ABCC1: variants seen among roughly 807,000 people sequenced by gnomAD.
ABCC1 encodes ATP binding cassette subfamily C member 1 (ABCC1 blood group), also known as multidrug resistance-associated protein 1.
Under a neutral mutation model 172.9 loss-of-function variants are expected in ABCC1, and 83 were observed. The observed-to-expected ratio is 0.48, with a 90% CI of 0.40 to 0.58. The LOEUF is 0.58. ABCC1 is among the 20% of genes least tolerant of loss of function. The pLI is 0.00. For missense variants in ABCC1, 1,817 were observed against 2,002.7 expected, an observed-to-expected ratio of 0.91 and a Z score of 1.77; for synonymous variants, 937 against 825.2, an observed-to-expected ratio of 1.14 and a Z score of -2.32.
Position 16,142,155 on chromosome 16 carries a change from A to G in ABCC1, c.*874A>G, listed in dbSNP as rs2046147638. 1 of 145,276 alleles carries G rather than the reference A, an allele frequency of 6.9e-6. No individual in the cohort carries two copies. The highest frequency in any genetic ancestry group is 2.6e-5 in the African/African-American group (1 of 38,864). The allele number at this position is 145,276 out of a possible 1,614,324, so 9.0% of individuals were successfully genotyped here. A position where few individuals can be genotyped will look rare whatever the true frequency, so the allele number is the denominator to read the frequency against. On this transcript the variant is annotated 3_prime_UTR_variant, in exon 31 of 31. Coordinates refer to ENST00000399410, the MANE Select transcript of ABCC1 (RefSeq NM_004996.4). ...CAATGCTGTTATTACTGTTCCCACCATGATTGATGTGGGGTAAATATTAAG... is the reference window on the plus strand; with the variant it reads ...CAATGCTGTTATTACTGTTCCCACCGTGATTGATGTGGGGTAAATATTAAG...
chr16:16,017,050 A>C (rs1012067907), intron 5 of ABCC1, among the ~76,000 whole-genome samples: 1 of 151,468 alleles, frequency 6.6e-6, no homozygotes, highest in African/African-American at 2.4e-5. Context: ...TTATACTGGC[A>C]TGCTTTCCTC....
At chr16:15,999,880 G>C (rs141300221) in intron 1 of ABCC1, among the ~76,000 whole-genome samples, 2 of 29,516 alleles carry the variant, frequency 6.8e-5, no homozygotes, top group African/African-American at 2.3e-4. Flanking sequence ...CTTTCAGCCT[G>C]AGTCTCGCTT....
At chr16:15,958,743 G>C (rs2046061492) in intron 1 of ABCC1, among the ~76,000 whole-genome samples, 2 of 152,186 alleles carry the variant, frequency 1.3e-5, no homozygotes, top group South Asian at 4.1e-4. Context: ...GGGTGGAGTG[G>C]TGCTGGGGAC....
chr16:16,048,263 C>T lies in ABCC1; in HGVS notation c.1340C>T (p.Ala447Val), dbSNP rs748322683. Residue 447 changes from alanine (A) to valine (V), a missense_variant, in exon 10 of 31, where the codon GCC (alanine) becomes GTC (valine). Ala to Val is a moderately conservative substitution (Grantham distance 64, BLOSUM62 0). Around this residue, in one of 3 missense-constraint regions of ABCC1, gnomAD observed 1,412 missense variants for 1,600.3 expected, o/e 0.88. Transcript: ENST00000399410. ...LATYINMIWS[A>V]PLQVILALYL... ...ACGTACATTAACATGATCTGGTCAG[C>T]CCCCCTGCAAGTCATCCTTGCTCTC... The T allele has an allele frequency of 1.9e-6, 3 of 1,614,134 alleles. No homozygotes were observed. Among genetic ancestry groups the T allele is most frequent in the Admixed American group, 1.7e-5 (1 of 59,996 alleles).
In ABCC1 at chr16:16,036,456, T is replaced by C. The variant is rs1436981976; in HGVS notation, c.678-16T>C. 6.2e-7 allele frequency: 1 copy of C among 1,609,748 alleles called. No individual in the cohort carries two copies. Among genetic ancestry groups the C allele is most frequent in the South Asian group, 1.1e-5 (1 of 90,502 alleles). ...ATTGACTCTCATTGCCTAACCCCCTTGTGTCTTGGCCCCAGGTTGATTGTC... is the reference window on the plus strand; with the variant it reads ...ATTGACTCTCATTGCCTAACCCCCTCGTGTCTTGGCCCCAGGTTGATTGTC... On this transcript the variant is annotated splice_polypyrimidine_tract_variant and intron_variant, in intron 6 of 30. Transcript: ENST00000399410.
chr16:16,022,314 CCTT>C (rs1289579647), intron 5 of ABCC1, among the ~76,000 whole-genome samples: 2 of 152,130 alleles, frequency 1.3e-5, no homozygotes, highest in African/African-American at 2.4e-5. Context: ...TCCCATCTGT[CCTT>C]CTGGCTCTGG....
chr16:16,048,126 C>G lies in ABCC1; in HGVS notation c.1219-16C>G, dbSNP rs1360916145. The stretch of plus-strand genomic sequence containing the variant: ...GCTGCCACACTCACCCACCTTCCCT[C>G]TCCTTTGTCCCACAGGCCCTGGTGA... On this transcript the variant is annotated splice_polypyrimidine_tract_variant and intron_variant, in intron 9 of 30. Coordinates refer to ENST00000399410, the MANE Select transcript of ABCC1 (RefSeq NM_004996.4). The G allele has an allele frequency of 5.0e-6, 8 of 1,613,880 alleles. No individual in the cohort carries two copies. The highest frequency in any genetic ancestry group is 1.7e-5 in the Admixed American group (1 of 60,016).
intron 7 of ABCC1, among the ~76,000 whole-genome samples, chr16:16,039,266 C>CTTTTT (rs1202497870): frequency 4.6e-5 from 4 of 87,754 alleles, no homozygotes; most frequent in African/African-American, 1.1e-4. Flanking sequence ...TGTGTGTTTT[C>CTTTTT]TTTTTTTTTT....
intron 24 of ABCC1, among the ~76,000 whole-genome samples, chr16:16,123,085 TACAC>T (rs1326541108): frequency 1.3e-5 from 2 of 152,166 alleles, no homozygotes; most frequent in East Asian, 1.9e-4. Context: ...TAGCCCGTCT[TACAC>T]ACTCTAATCC....
intron 1 of ABCC1, among the ~76,000 whole-genome samples, chr16:15,989,064 G>C (rs1251688190): frequency 2.4e-5 from 1 of 42,154 alleles, no homozygotes; most frequent in Non-Finnish European, 4.2e-5. Context: ...GCAAGACTCT[G>C]TCTCAAAAAA....
chr16:16,012,592 C>T (rs1417217906), intron 3 of ABCC1, among the ~76,000 whole-genome samples: 1 of 151,506 alleles, frequency 6.6e-6, no homozygotes, highest in Non-Finnish European at 1.5e-5. Context: ...GCCTTGGCCT[C>T]CTAAAGTGGT....
chr16:16,066,775 GCGCCTATAATC>G, intron 12 of ABCC1, among the ~76,000 whole-genome samples: 1 of 151,688 alleles, frequency 6.6e-6, no homozygotes, highest in Non-Finnish European at 1.5e-5. Flanking sequence ...ATGGTGGTGG[GCGCCTATAATC>G]CCAGCTACTT....
At chr16:16,133,372 TTTTTTGTTTTTGTTTTTG>T (rs10638507) in intron 27 of ABCC1, among the ~76,000 whole-genome samples, 2 of 148,556 alleles carry the variant, frequency 1.3e-5, no homozygotes, top group African/African-American at 2.5e-5. Flanking sequence ...CTTGCTGTCT[TTTTTTGTTTTTGTTTTTG>T]TTTTTGTTTT....
At chr16:16,043,222 G>GTTTTTTTTTTT (rs147161637) in intron 7 of ABCC1, among the ~76,000 whole-genome samples, 2 of 89,502 alleles carry the variant, frequency 2.2e-5, no homozygotes, top group African/African-American at 1.0e-4. Flanking sequence ...TGGCTGGACT[G>GTTTTTTTTTTT]TTTTTTTTTT....
intron 19 of ABCC1, among the ~76,000 whole-genome samples, chr16:16,093,758 C>G (rs1056778065): frequency 6.6e-6 from 1 of 152,094 alleles, no homozygotes; most frequent in African/African-American, 2.4e-5. Context: ...TTTGGCTCTT[C>G]CTAAAGGGGA....
chr16:16,138,579 G>A lies in ABCC1; in HGVS notation c.4487+21G>A, dbSNP rs761761858. On this transcript the variant is annotated intron_variant, in intron 30 of 30. Transcript: ENST00000399410. ...ACAAGGTGATGCCACTGGCACAGTGGCCTCTAGGCTTTGGGAGTTTGCCTT... is the reference window on the plus strand; with the variant it reads ...ACAAGGTGATGCCACTGGCACAGTGACCTCTAGGCTTTGGGAGTTTGCCTT... The A allele has an allele frequency of 3.3e-6, 5 of 1,533,402 alleles. No individual in the cohort carries two copies. In the South Asian group the frequency reaches 6.1e-5, roughly 19 times the overall value. 95.0% of individuals were successfully genotyped at this position (1,533,402 alleles called of 1,614,324 possible).
chr16:16,025,027 A>C (rs537448217), intron 5 of ABCC1, among the ~76,000 whole-genome samples: 11 of 152,086 alleles, frequency 7.2e-5, no homozygotes, highest in Non-Finnish European at 1.6e-4. Flanking sequence ...GAAAACAGAC[A>C]AGTTGATGGG....
chr16:16,091,185 T>C (rs556754266), intron 19 of ABCC1, among the ~76,000 whole-genome samples: 1 of 151,844 alleles, frequency 6.6e-6, no homozygotes, highest in African/African-American at 2.4e-5. Context: ...TCCCAACACA[T>C]AGAGAGGCTG....
At chr16:16,069,800 G>A (rs2050264890) in intron 13 of ABCC1, among the ~76,000 whole-genome samples, 1 of 152,002 alleles carries the variant, frequency 6.6e-6, no homozygotes, top group African/African-American at 2.4e-5. Flanking sequence ...AAGGCAGACA[G>A]ATCAGCTGAG....
Sources: gnomAD v4.1 joint callset for allele counts (sites outside exome capture counted in the v4.1 genomes callset) on GRCh38, gnomAD v4.1.1 for gene constraint, gnomAD v4.1.1 regional missense constraint, MANE v1.5 for transcripts, NCBI Gene and HGNC (gene_info 2026-07-23, HGNC 2026-07-21) for gene names.